The following EFCAB3 variants were observed in gnomAD, a reference collection of about 807,000 sequenced individuals.
EFCAB3 encodes the protein EF-hand calcium-binding domain-containing protein 3.
In EFCAB3, 36 loss-of-function variants were observed where a neutral mutation model predicts 42.2. The observed-to-expected ratio is 0.85, with a 90% CI of 0.65 to 1.13. The LOEUF is 1.13. Ranked by LOEUF, EFCAB3 falls within the 50% of genes most tolerant of loss-of-function variation. EFCAB3 has a pLI of 0.00. For synonymous variants in EFCAB3, 170 were observed against 172.8 expected (o/e 0.98, Z 0.13); for missense variants, 418 against 505.1 (o/e 0.83, Z 1.65).
chr17:62,381,912 C>T (rs963422038), intron 1 of EFCAB3: 3 of 349,304 alleles, frequency 8.6e-6, no homozygotes, highest in Admixed American at 3.0e-5. Flanking sequence ...CTGTGCAGCT[C>T]CTGCTGCTGG....
intron 4 of EFCAB3, among the ~76,000 whole-genome samples, chr17:62,392,248 CCACA>C (rs552830249): frequency 3.7e-4 from 55 of 149,590 alleles, no homozygotes; most frequent in Admixed American, 5.4e-4. Flanking sequence ...TATGTATACA[CCACA>C]CACACACACA....
At chr17:62,405,606 G>T (rs1367545305) in intron 6 of EFCAB3, among the ~76,000 whole-genome samples, 1 of 152,234 alleles carries the variant, frequency 6.6e-6, no homozygotes, top group East Asian at 1.9e-4. Context: ...TACCATAGCT[G>T]CAGAGAGAAG....
At chr17:62,407,352 T>G in intron 8 of EFCAB3, 140 bp downstream of exon 8, 2 of 686,676 alleles carry the variant, frequency 2.9e-6, no homozygotes, top group Non-Finnish European at 4.3e-6. Flanking sequence ...TTCCTAAATT[T>G]AAGTCCAGGT....
intron 9 of EFCAB3, among the ~76,000 whole-genome samples, chr17:62,415,118 AC>A (rs58051160): frequency 0.086 from 12,942 of 150,226 alleles, 1,488 homozygotes; most frequent in East Asian, 0.4. Flanking sequence ...ACAAAAAAAA[AC>A]AAAAAAAAAC....
rs115333727 is a variant in EFCAB3, at chr17:62,409,351, T to C, written c.867+2139T>C. Among the ~76,000 whole-genome samples, 813 of 152,002 alleles carry C rather than the reference T, an allele frequency of 5.3e-3. 11 individuals are homozygous for C. The highest frequency in any genetic ancestry group is 0.017 in the African/African-American group (711 of 41,464). On this transcript the variant is annotated intron_variant, in intron 8 of 9. Coordinates refer to ENST00000305286, the MANE Select transcript of EFCAB3 (RefSeq NM_173503.4). ...GGATTACAGGCATGAGCCACCACGTTTGGCCAATAAATTATTTTTTAAGTA... is the reference window on the plus strand; with the variant it reads ...GGATTACAGGCATGAGCCACCACGTCTGGCCAATAAATTATTTTTTAAGTA...
chr17:62,395,828 A>G (rs1412434922), intron 6 of EFCAB3, among the ~76,000 whole-genome samples: 1 of 152,200 alleles, frequency 6.6e-6, no homozygotes, highest in Non-Finnish European at 1.5e-5. Context: ...TGTTGCTATT[A>G]TCAGTCTTTT....
chr17:62,398,185 G>T, intron 6 of EFCAB3: 1 of 198,592 alleles, frequency 5.0e-6, no homozygotes, highest in South Asian at 1.0e-4. Flanking sequence ...CAGGCGTGAT[G>T]GCTCACGTCT....
intron 4 of EFCAB3, among the ~76,000 whole-genome samples, chr17:62,393,205 A>G (rs2070319320): frequency 6.6e-6 from 1 of 152,218 alleles, no homozygotes; most frequent in African/African-American, 2.4e-5. Flanking sequence ...ATTTTAGAGG[A>G]AATGGAATAC....
chr17:62,380,902 C>CT (rs1213248962), intron 1 of EFCAB3: 1 of 152,134 alleles, frequency 6.6e-6, no homozygotes, highest in African/African-American at 2.4e-5. Flanking sequence ...CATTCAGAGA[C>CT]TTTTTTTCCT....
At chr17:62,405,174 A>G (rs1257411514) in intron 6 of EFCAB3, among the ~76,000 whole-genome samples, 1 of 152,234 alleles carries the variant, frequency 6.6e-6, no homozygotes, top group Non-Finnish European at 1.5e-5. Flanking sequence ...TGAGTCTTGA[A>G]GGACCTGGTG....
chr17:62,412,897 A>G (rs1198762545), intron 8 of EFCAB3, among the ~76,000 whole-genome samples: 1 of 152,218 alleles, frequency 6.6e-6, no homozygotes, highest in Non-Finnish European at 1.5e-5. Context: ...ACATTTCAAC[A>G]CAACAGGAAA....
chr17:62,416,302 G>T lies in EFCAB3; in HGVS notation c.1290G>T (p.Arg430=), dbSNP rs2070549009. 10 of 1,610,186 alleles carry T rather than the reference G, an allele frequency of 6.2e-6. No homozygotes were observed. The highest frequency in any genetic ancestry group is 8.5e-6 in the Non-Finnish European group (10 of 1,178,904). Residue 430 remains arginine, a synonymous_variant, in exon 10 of 10, where the codon CGG becomes CGT. Transcript: ENST00000305286. ...CAGACTCAGGAAGAAAAAGAAAACG[G>T]AAAGGTTTAAAGGGATTTCAACAAT... ...CYTDSGRKRK[R]KGLKGFQQ
At chr17:62,401,416 T>C (rs1029547688) in intron 6 of EFCAB3, among the ~76,000 whole-genome samples, 19 of 152,198 alleles carry the variant, frequency 1.2e-4, no homozygotes, top group Non-Finnish European at 2.5e-4. Context: ...GTTTTTATGG[T>C]TTTAGGTCTG....
chr17:62,397,415 C>T (rs1017792065), intron 6 of EFCAB3: 9 of 452,584 alleles, frequency 2.0e-5, no homozygotes, highest in Non-Finnish European at 3.8e-5. Context: ...GCGTCATGGA[C>T]TTCGTGTGGC....
chr17:62,403,684 G>GCTCTCTTA (rs2070423592), intron 6 of EFCAB3, among the ~76,000 whole-genome samples: 1 of 152,110 alleles, frequency 6.6e-6, no homozygotes, highest in Non-Finnish European at 1.5e-5. Flanking sequence ...TTATCTCCCA[G>GCTCTCTTA]GCTAGAGTGC....
chr17:62,415,755 G>A (rs1395856301), intron 9 of EFCAB3, among the ~76,000 whole-genome samples: 1 of 152,100 alleles, frequency 6.6e-6, no homozygotes, highest in Non-Finnish European at 1.5e-5. Context: ...CCATACTTCA[G>A]TCTATTTTAG....
chr17:62,407,229 G>A lies in EFCAB3; in HGVS notation c.867+17G>A, dbSNP rs2070456812. ...AAAACACAGGTGAGATTTAGATTAT[G>A]TCACATTAGTTAAATACTTGGATTT... On this transcript the variant is annotated intron_variant, in intron 8 of 9. Transcript: ENST00000305286. The A allele has an allele frequency of 1.3e-6, 2 of 1,532,052 alleles. No individual in the cohort carries two copies. The highest frequency in any genetic ancestry group is 2.6e-5 in the South Asian group (2 of 76,652). The allele number at this position is 1,532,052 out of a possible 1,614,324, so 94.9% of individuals were successfully genotyped here.
At chr17:62,394,157 A>G (rs2144083399) in intron 5 of EFCAB3, among the ~76,000 whole-genome samples, 1 of 152,048 alleles carries the variant, frequency 6.6e-6, no homozygotes, top group East Asian at 1.9e-4. Flanking sequence ...ATTTCACAGT[A>G]TTAGCCAGGA....
At position 62,415,128 on chromosome 17, in the gene EFCAB3, A is replaced by AC. The variant is rs796518014; in HGVS notation, c.991-874dup. Among the ~76,000 whole-genome samples the AC allele has an allele frequency of 2.3e-4, 35 of 151,496 alleles. 1 individual carries two copies. The East Asian group carries it at 3.5e-3, about 15-fold the overall frequency. On this transcript the variant is annotated intron_variant, in intron 9 of 9. Coordinates refer to ENST00000305286, the MANE Select transcript of EFCAB3 (RefSeq NM_173503.4). The stretch of plus-strand genomic sequence containing the variant: ...CAAAAACAAAAAAAAACAAAAAAAA[A>AC]CAAAAAAACCACATTTTTCAAATCT...
Sources: gnomAD v4.1 joint callset for allele counts (sites outside exome capture counted in the v4.1 genomes callset) on GRCh38, gnomAD v4.1.1 for gene constraint, MANE v1.5 for transcripts, NCBI Gene and HGNC (gene_info 2026-07-23, HGNC 2026-07-21) for gene names.